Variants in N4BP1 observed in about 807,000 individuals in gnomAD.
N4BP1 encodes NEDD4 binding protein 1, also known as NEDD4-binding protein 1.
In N4BP1, 21 loss-of-function variants were observed where a neutral mutation model predicts 70.9. The ratio of observed to expected loss-of-function variants is 0.30; its 90% CI spans 0.21 to 0.43. The LOEUF (loss-of-function observed/expected upper bound fraction) is 0.43, where lower values mean the gene tolerates loss of function less well. Among genes scored for constraint, N4BP1 ranks in the 20% least tolerant of loss-of-function variants. The pLI is 1.00. For missense variants in N4BP1, 936 were observed against 1,069.4 expected, an observed-to-expected ratio of 0.88 and a Z score of 1.74; for synonymous variants, 387 against 394.6, an observed-to-expected ratio of 0.98 and a Z score of 0.23.
Position 48,553,652 on chromosome 16 carries a change from A to T in N4BP1, c.1907T>A (p.Phe636Tyr), listed in dbSNP as rs1336087496. 3 of 1,589,932 alleles carry T rather than the reference A, an allele frequency of 1.9e-6. No individual in the cohort carries two copies. Among genetic ancestry groups the T allele is most frequent in the Non-Finnish European group, 2.6e-6 (3 of 1,169,562 alleles). ...AATTGCAATTCCACGACAAGAAAAG[A>T]ACTTTTTCAGACCATGGCTAGAAAT... Reference protein sequence around the residue: ...NVAITHGLKKFFSCRGIAIAV... With the variant: ...NVAITHGLKKYFSCRGIAIAV... Residue 636 changes from phenylalanine (F) to tyrosine (Y), a missense_variant, in exon 3 of 7, where the codon TTC (phenylalanine) becomes TAC (tyrosine). Physicochemically the swap from Phe to Tyr is conservative, Grantham distance 22. Coordinates refer to ENST00000262384, the MANE Select transcript of N4BP1 (RefSeq NM_153029.4).
intron 1 of N4BP1, chr16:48,600,218 G>T (rs773448680): frequency 1.0e-4 from 77 of 754,320 alleles, no homozygotes; most frequent in Non-Finnish European, 1.6e-4. Context: ...GCCACGGCAT[G>T]ATGTTCATCC....
intron 1 of N4BP1, chr16:48,600,437 A>C: frequency 7.7e-6 from 5 of 647,942 alleles, no homozygotes; most frequent in South Asian, 7.1e-5. Flanking sequence ...CTACTGAAGC[A>C]ATGAAGACAG....
At chr16:48,602,933 A>G (rs1456482950) in intron 1 of N4BP1, among the ~76,000 whole-genome samples, 1 of 152,122 alleles carries the variant, frequency 6.6e-6, no homozygotes, top group Non-Finnish European at 1.5e-5. Flanking sequence ...CAGTGAGCTG[A>G]GATCACACCA....
At chr16:48,572,501 T>C (rs1224528749) in intron 1 of N4BP1, among the ~76,000 whole-genome samples, 1 of 152,170 alleles carries the variant, frequency 6.6e-6, no homozygotes, top group Non-Finnish European at 1.5e-5. Flanking sequence ...ATTCTATACC[T>C]ATCCACATTA....
intron 1 of N4BP1, among the ~76,000 whole-genome samples, chr16:48,581,897 A>C (rs542040848): frequency 6.6e-6 from 1 of 152,302 alleles, no homozygotes; most frequent in Admixed American, 6.5e-5. Flanking sequence ...TGGTCTGGAC[A>C]ATGATTTTTT....
intron 1 of N4BP1, among the ~76,000 whole-genome samples, chr16:48,595,457 A>AC (rs1491368823): frequency 1.5e-5 from 1 of 65,990 alleles, no homozygotes; most frequent in East Asian, 3.2e-4. Context: ...ACTCTGTCTC[A>AC]AAAAAAAAAA....
At chr16:48,552,555 G>A (rs540480443) in intron 3 of N4BP1, among the ~76,000 whole-genome samples, 14 of 151,224 alleles carry the variant, frequency 9.3e-5, no homozygotes, top group African/African-American at 2.2e-4. Flanking sequence ...AAAATTAGCC[G>A]GGCGTGGTGG....
At chr16:48,579,084 T>C (rs1043998519) in intron 1 of N4BP1, among the ~76,000 whole-genome samples, 6 of 152,146 alleles carry the variant, frequency 3.9e-5, no homozygotes, top group Non-Finnish European at 7.4e-5. Context: ...AACTAGAGGG[T>C]AGAGGCCAGA....
intron 2 of N4BP1, 55 bp downstream of exon 2, chr16:48,560,699 A>G: frequency 6.5e-7 from 1 of 1,538,140 alleles, no homozygotes; most frequent in Non-Finnish European, 8.7e-7. Flanking sequence ...TGTGATTCTG[A>G]GACACCATTT....
intron 1 of N4BP1, among the ~76,000 whole-genome samples, chr16:48,584,138 A>G (rs1313050111): frequency 6.6e-6 from 1 of 152,204 alleles, no homozygotes; most frequent in East Asian, 1.9e-4. Flanking sequence ...ATGGCTGATA[A>G]CTGATCTTGG....
At chr16:48,568,382 G>A (rs1459499289) in intron 1 of N4BP1, among the ~76,000 whole-genome samples, 1 of 152,114 alleles carries the variant, frequency 6.6e-6, no homozygotes, top group African/African-American at 2.4e-5. Context: ...AACCCCATCA[G>A]ACAACATTAT....
At chr16:48,566,094 TTTCAAC>T (rs1400619214) in intron 1 of N4BP1, among the ~76,000 whole-genome samples, 18 of 152,178 alleles carry the variant, frequency 1.2e-4, no homozygotes, top group African/African-American at 4.3e-4. Flanking sequence ...TTGTCAGTGT[TTTCAAC>T]TTCATTAATT....
chr16:48,594,019 C>CAAAAAAAAAAAAAAAAAAAAAAA (rs77597704), intron 1 of N4BP1, among the ~76,000 whole-genome samples: 2 of 95,094 alleles, frequency 2.1e-5, no homozygotes, highest in Non-Finnish European at 4.1e-5. Context: ...AAAAAAAAAA[C>CAAAAAAAAAAAAAAAAAAAAAAA]AAAAAAAAAA....
intron 1 of N4BP1, among the ~76,000 whole-genome samples, chr16:48,569,425 T>TCTTGTCAC (rs1326856453): frequency 6.6e-6 from 1 of 152,170 alleles, no homozygotes; most frequent in African/African-American, 2.4e-5. Flanking sequence ...AGGGTCTTGC[T>TCTTGTCAC]CTTGTCACCT....
intron 5 of N4BP1, among the ~76,000 whole-genome samples, chr16:48,547,758 C>A (rs1963609639): frequency 6.6e-6 from 1 of 152,218 alleles, no homozygotes; most frequent in Admixed American, 6.5e-5. Flanking sequence ...CCCTAGAAGA[C>A]TGCAGTGACA....
chr16:48,549,336 GC>G, intron 4 of N4BP1, among the ~76,000 whole-genome samples: 1 of 152,206 alleles, frequency 6.6e-6, no homozygotes, highest in East Asian at 1.9e-4. Context: ...GGTAATGTTT[GC>G]CCAGAAGTAT....
chr16:48,609,948 C>A lies in N4BP1; in HGVS notation c.25G>T (p.Glu9Ter), dbSNP rs748471422. ...GCCTTCTCAGCTGGCGCAGTGAACTCGTCCAGCACCGCCCGGGCCGCCATG... is the reference window on the plus strand; with the variant it reads ...GCCTTCTCAGCTGGCGCAGTGAACTAGTCCAGCACCGCCCGGGCCGCCATG... MAARAVLD[E>*]FTAPAEKAEL... The change falls in exon 1 of 7, where the codon GAG becomes TAG. Residue 9 changes from glutamate to a stop codon, truncating the protein, a stop_gained. Transcript: ENST00000262384. LOFTEE classifies it high-confidence loss of function. 7.7e-7 allele frequency: 1 copy of A among 1,293,972 alleles called. No individual in the cohort carries two copies. The allele number at this position is 1,293,972 out of a possible 1,614,324, so 80.2% of individuals were successfully genotyped here.
chr16:48,559,424 C>T (rs577073015), intron 2 of N4BP1, among the ~76,000 whole-genome samples: 31 of 152,244 alleles, frequency 2.0e-4, no homozygotes, highest in African/African-American at 5.5e-4. Flanking sequence ...TCTTGAATTG[C>T]GGCTACTTAA....
In N4BP1 at chr16:48,596,874, A is replaced by T. The variant is rs114143765; in HGVS notation, c.198+12901T>A. On this transcript the variant is annotated intron_variant, in intron 1 of 6. Transcript: ENST00000262384. Reference sequence around the variant, plus strand: ...GGCTCCAAGAGTTTGAACCTCCCCAAATTGCTCCTGGGGATAACAGTACTA... The same window carrying T: ...GGCTCCAAGAGTTTGAACCTCCCCATATTGCTCCTGGGGATAACAGTACTA... Among the ~76,000 whole-genome samples, 1,103 of 152,264 alleles carry T rather than the reference A, an allele frequency of 7.2e-3. 13 individuals are homozygous for T. The highest frequency in any genetic ancestry group is 0.025 in the African/African-American group (1,052 of 41,552).
Sources: allele counts gnomAD v4.1 joint callset (sites outside exome capture counted in the v4.1 genomes callset), GRCh38; gene constraint gnomAD v4.1.1; transcripts MANE v1.5; gene names NCBI Gene and HGNC (gene_info 2026-07-23, HGNC 2026-07-21).